GRIN2B: variants seen among roughly 807,000 people sequenced by gnomAD.
GRIN2B encodes the protein glutamate ionotropic receptor NMDA type subunit 2B.
Under a neutral mutation model 114.5 loss-of-function variants are expected in GRIN2B, and 5 were observed. The observed-to-expected ratio is 0.04, with a 90% confidence interval of 0.02 to 0.09. The LOEUF is 0.09. Ranked by LOEUF, GRIN2B falls within the 10% of genes least tolerant of loss-of-function variation. GRIN2B has a pLI of 1.00. For synonymous variants in GRIN2B, 787 were observed against 745.1 expected (o/e 1.06, Z -0.92); for missense variants, 1,108 against 1,943.5 (o/e 0.57, Z 8.08).
At chr12:13,874,319 T>C (rs535404793) in intron 2 of GRIN2B, among the ~76,000 whole-genome samples, 1 of 152,338 alleles carries the variant, frequency 6.6e-6, no homozygotes, top group East Asian at 1.9e-4. Flanking sequence ...AGCAGAAGTA[T>C]CACTTCTACT....
chr12:13,917,678 G>A (rs1001238614), intron 2 of GRIN2B, among the ~76,000 whole-genome samples: 2 of 152,144 alleles, frequency 1.3e-5, no homozygotes, highest in African/African-American at 4.8e-5. Flanking sequence ...TTACCCCAAA[G>A]TACAGAAGGA....
At chr12:13,624,042 C>T (rs1949544993) in intron 5 of GRIN2B, among the ~76,000 whole-genome samples, 1 of 152,158 alleles carries the variant, frequency 6.6e-6, no homozygotes, top group Admixed American at 6.5e-5. Flanking sequence ...CAGACCTCTC[C>T]ACTGCCATGA....
intron 5 of GRIN2B, among the ~76,000 whole-genome samples, chr12:13,653,492 C>T (rs1456369904): frequency 1.3e-5 from 2 of 150,728 alleles, no homozygotes; most frequent in African/African-American, 4.9e-5. Flanking sequence ...TGGAGTACAT[C>T]AATAAATAAG....
At chr12:13,706,815 C>T (rs1198938131) in intron 4 of GRIN2B, among the ~76,000 whole-genome samples, 6 of 152,082 alleles carry the variant, frequency 3.9e-5, no homozygotes, top group African/African-American at 1.2e-4. Context: ...GACATTTTGG[C>T]CTGCCTTGTT....
intron 3 of GRIN2B, among the ~76,000 whole-genome samples, chr12:13,793,125 G>A (rs1565539250): frequency 6.6e-6 from 1 of 152,138 alleles, no homozygotes; most frequent in Non-Finnish European, 1.5e-5. Flanking sequence ...ATTCAACTCA[G>A]GGCAGGCACA....
chr12:13,613,059 A>G (rs989907865), intron 8 of GRIN2B, among the ~76,000 whole-genome samples: 9 of 152,240 alleles, frequency 5.9e-5, no homozygotes, highest in South Asian at 2.1e-4. Context: ...AGATCTTGAT[A>G]AAGCCCCAGT....
At chr12:13,587,553 T>A (rs1315728556) in intron 10 of GRIN2B, among the ~76,000 whole-genome samples, 1 of 151,950 alleles carries the variant, frequency 6.6e-6, no homozygotes, top group East Asian at 1.9e-4. Context: ...CAGATATTTG[T>A]CTTGTTGCCC....
At chr12:13,579,270 C>CAAAG (rs913490487) in intron 10 of GRIN2B, among the ~76,000 whole-genome samples, 1 of 152,092 alleles carries the variant, frequency 6.6e-6, no homozygotes, top group Non-Finnish European at 1.5e-5. Flanking sequence ...GCCTGGATCA[C>CAAAG]AAAGAAAGTT....
intron 2 of GRIN2B, among the ~76,000 whole-genome samples, chr12:13,904,561 C>T (rs1351121272): frequency 6.6e-6 from 1 of 151,980 alleles, no homozygotes; most frequent in African/African-American, 2.4e-5. Context: ...TTTTCTACTC[C>T]ACTTGCTCTT....
intron 11 of GRIN2B, among the ~76,000 whole-genome samples, chr12:13,571,319 A>G (rs1210829602): frequency 1.3e-5 from 2 of 152,212 alleles, no homozygotes. Context: ...TGAATGGACA[A>G]ACACTCCCTA....
intron 2 of GRIN2B, among the ~76,000 whole-genome samples, chr12:13,928,595 G>GA (rs372483158): frequency 2.0e-5 from 3 of 152,234 alleles, no homozygotes; most frequent in Non-Finnish European, 4.4e-5. Context: ...CTAAAGCTTA[G>GA]AAAAAATGGT....
chr12:13,885,739 C>G (rs1866145144), intron 2 of GRIN2B, among the ~76,000 whole-genome samples: 1 of 151,086 alleles, frequency 6.6e-6, no homozygotes. Context: ...AAATAGGAGT[C>G]TCATAAACTG....
intron 2 of GRIN2B, among the ~76,000 whole-genome samples, chr12:13,919,229 AGTT>A (rs1277710812): frequency 1.3e-5 from 2 of 152,206 alleles, no homozygotes; most frequent in Admixed American, 1.3e-4. Flanking sequence ...GTATGTTCAA[AGTT>A]TGGTTCTTAG....
chr12:13,754,810 A>C (rs1175199579), intron 3 of GRIN2B, among the ~76,000 whole-genome samples: 1 of 152,102 alleles, frequency 6.6e-6, no homozygotes, highest in Non-Finnish European at 1.5e-5. Context: ...GGCATTGCAC[A>C]CACCCTCCCG....
intron 2 of GRIN2B, among the ~76,000 whole-genome samples, chr12:13,872,676 T>C (rs1865931310): frequency 6.6e-6 from 1 of 152,194 alleles, no homozygotes; most frequent in Non-Finnish European, 1.5e-5. Flanking sequence ...ATATATATGA[T>C]AGAAATGTTA....
chr12:13,769,635 T>C (rs1228229580), intron 3 of GRIN2B, among the ~76,000 whole-genome samples: 1 of 152,224 alleles, frequency 6.6e-6, no homozygotes, highest in Non-Finnish European at 1.5e-5. Flanking sequence ...GATTTATAGT[T>C]TGCTTGGAGA....
In GRIN2B at chr12:13,551,845, A is replaced by G. The variant is rs576166888; in HGVS notation, c.*10938T>C. ...GGGTTCTTATGTCATGGTCAAAGGG[A>G]GCATTAAAATAGCCATGGATTTCAA... On this transcript the variant is annotated 3_prime_UTR_variant, in exon 14 of 14. Coordinates refer to ENST00000609686, the MANE Select transcript of GRIN2B (RefSeq NM_000834.5). 2 of 152,306 alleles carry G rather than the reference A, an allele frequency of 1.3e-5. 1 individual carries two copies. The highest frequency in any genetic ancestry group is 4.1e-4 in the South Asian group (2 of 4,822). The allele number at this position is 152,306 out of a possible 1,614,324, so 9.4% of individuals were successfully genotyped here.
At chr12:13,963,589 A>G (rs1441352174) in intron 2 of GRIN2B, among the ~76,000 whole-genome samples, 1 of 152,164 alleles carries the variant, frequency 6.6e-6, no homozygotes, top group East Asian at 1.9e-4. Context: ...TAACCTTCAC[A>G]TAACCTGCGT....
At chr12:13,798,838 G>A (rs1356480942) in intron 3 of GRIN2B, among the ~76,000 whole-genome samples, 1 of 152,174 alleles carries the variant, frequency 6.6e-6, no homozygotes, top group African/African-American at 2.4e-5. Context: ...GACGATCTCT[G>A]TTCTGAAGGG....
Sources: gnomAD v4.1 joint callset for allele counts (sites outside exome capture counted in the v4.1 genomes callset) on GRCh38, gnomAD v4.1.1 for gene constraint, MANE v1.5 for transcripts, NCBI Gene and HGNC (gene_info 2026-07-23, HGNC 2026-07-21) for gene names.